Variants in CCSER1 observed in about 807,000 individuals in gnomAD.
CCSER1 encodes coiled-coil serine rich protein 1, also known as serine-rich coiled-coil domain-containing protein 1.
In CCSER1, 41 loss-of-function variants were observed where a neutral mutation model predicts 82.0. That is an observed-to-expected ratio of 0.50 (90% CI 0.39 to 0.65). The LOEUF is 0.65. Ranked by LOEUF, CCSER1 falls within the 30% of genes least tolerant of loss-of-function variation. The pLI, the probability that CCSER1 is intolerant of heterozygous loss-of-function variation, is 0.00. For missense variants in CCSER1, 1,119 were observed against 1,064.2 expected (o/e 1.05, Z -0.72); for synonymous variants, 414 against 383.9 (o/e 1.08, Z -0.92).
intron 10 of CCSER1, among the ~76,000 whole-genome samples, chr4:91,437,918 A>G (rs1420996544): frequency 6.6e-6 from 1 of 152,188 alleles, no homozygotes; most frequent in Non-Finnish European, 1.5e-5. Flanking sequence ...GGCAGCAGCG[A>G]GGCAGGGGGA....
At chr4:91,002,048 A>C (rs1738084937) in intron 9 of CCSER1, among the ~76,000 whole-genome samples, 1 of 152,110 alleles carries the variant, frequency 6.6e-6, no homozygotes, top group South Asian at 2.1e-4. Context: ...CGTGCCTGAT[A>C]ATTGTTCTGT....
chr4:91,532,808 T>G (rs1761102767), intron 10 of CCSER1, among the ~76,000 whole-genome samples: 1 of 151,722 alleles, frequency 6.6e-6, no homozygotes, highest in Admixed American at 6.6e-5. Flanking sequence ...AGGAGGAGGT[T>G]GCAGTGAGCC....
In CCSER1 at chr4:91,277,398, G is replaced by C. The variant is rs113203317; in HGVS notation, c.2217+191404G>C. ...CTGTTCAGATTTTCTATTTCTTCCT[G>C]TTTCAGTCTTGTTAGGTTGTATGTG... On this transcript the variant is annotated intron_variant, in intron 10 of 10. Coordinates refer to ENST00000509176, the MANE Select transcript of CCSER1 (RefSeq NM_001145065.2). Among the ~76,000 whole-genome samples the C allele has an allele frequency of 5.0e-3, 763 of 151,328 alleles. 4 individuals are homozygous for C. Among genetic ancestry groups the C allele is most frequent in the Middle Eastern group, 6.9e-3 (2 of 290 alleles).
chr4:91,167,661 A>G (rs1298423885), intron 10 of CCSER1, among the ~76,000 whole-genome samples: 1 of 152,192 alleles, frequency 6.6e-6, no homozygotes, highest in Non-Finnish European at 1.5e-5. Flanking sequence ...CTTAATGTTT[A>G]TAGGTAGAAG....
chr4:90,634,904 C>A (rs886906851), intron 6 of CCSER1, among the ~76,000 whole-genome samples: 2 of 151,730 alleles, frequency 1.3e-5, no homozygotes, highest in Non-Finnish European at 3.0e-5. Flanking sequence ...ATGAAAACAT[C>A]AAATGGCAGA....
chr4:90,681,893 A>G (rs1733956231), intron 6 of CCSER1, among the ~76,000 whole-genome samples: 1 of 152,098 alleles, frequency 6.6e-6, no homozygotes, highest in South Asian at 2.1e-4. Context: ...CCACCTTGGG[A>G]AATATAACAA....
chr4:90,311,881 G>A (rs1341382182), intron 2 of CCSER1, among the ~76,000 whole-genome samples: 2 of 152,110 alleles, frequency 1.3e-5, no homozygotes, highest in Non-Finnish European at 2.9e-5. Context: ...TTAACACTAT[G>A]TTAGGCACTA....
chr4:91,513,124 T>C (rs1310746248), intron 10 of CCSER1, among the ~76,000 whole-genome samples: 1 of 152,126 alleles, frequency 6.6e-6, no homozygotes, highest in Non-Finnish European at 1.5e-5. Context: ...TTATTATTAA[T>C]ATTTTGAGGT....
intron 10 of CCSER1, among the ~76,000 whole-genome samples, chr4:91,502,400 T>A (rs1010302624): frequency 5.9e-5 from 9 of 152,238 alleles, no homozygotes; most frequent in Non-Finnish European, 1.0e-4. Context: ...GTGAAAAAAA[T>A]TTGAAAATTA....
At chr4:91,402,023 A>C (rs1000140989) in intron 10 of CCSER1, among the ~76,000 whole-genome samples, 27 of 152,300 alleles carry the variant, frequency 1.8e-4, no homozygotes, top group Middle Eastern at 6.8e-3. Context: ...CCAACAGTGT[A>C]AAAGTGTTCC....
intron 5 of CCSER1, among the ~76,000 whole-genome samples, chr4:90,511,949 A>G (rs1771590066): frequency 6.6e-6 from 1 of 152,064 alleles, no homozygotes; most frequent in Non-Finnish European, 1.5e-5. Context: ...TGTTTGTTCT[A>G]TTTTCTGTGA....
At chr4:90,696,202 T>A (rs980573201) in intron 6 of CCSER1, among the ~76,000 whole-genome samples, 3 of 152,134 alleles carry the variant, frequency 2.0e-5, no homozygotes, top group Admixed American at 2.0e-4. Context: ...TGTCTATAGA[T>A]TTTTCACCTG....
intron 10 of CCSER1, among the ~76,000 whole-genome samples, chr4:91,512,644 C>G (rs967995246): frequency 3.9e-5 from 6 of 152,142 alleles, no homozygotes. Context: ...TTAGTTCTGT[C>G]CCTCTAGGGA....
chr4:91,593,118 A>G (rs1764346129), intron 10 of CCSER1, among the ~76,000 whole-genome samples: 1 of 152,152 alleles, frequency 6.6e-6, no homozygotes, highest in Admixed American at 6.6e-5. Flanking sequence ...CATTGGCATG[A>G]TTATTGTATT....
chr4:90,439,009 C>T (rs1258038301), intron 4 of CCSER1, among the ~76,000 whole-genome samples: 1 of 151,942 alleles, frequency 6.6e-6, no homozygotes, highest in African/African-American at 2.4e-5. Context: ...TTTAAAAAGC[C>T]TTGGCTGGGC....
intron 3 of CCSER1, among the ~76,000 whole-genome samples, chr4:90,317,729 A>T (rs1338296787): frequency 1.3e-5 from 2 of 152,236 alleles, no homozygotes; most frequent in African/African-American, 4.8e-5. Flanking sequence ...TGTGGAAGGC[A>T]TTGGGGTTCT....
intron 1 of CCSER1, among the ~76,000 whole-genome samples, chr4:90,286,081 T>C (rs1478817992): frequency 1.3e-5 from 2 of 152,070 alleles, no homozygotes; most frequent in Non-Finnish European, 2.9e-5. Flanking sequence ...ACTAGAGATA[T>C]CGGCCTGCAT....
intron 9 of CCSER1, among the ~76,000 whole-genome samples, chr4:90,948,691 A>G (rs1284766184): frequency 6.6e-6 from 1 of 152,068 alleles, no homozygotes; most frequent in Non-Finnish European, 1.5e-5. Flanking sequence ...ATTTACATGC[A>G]TTCTTATGCT....
chr4:90,642,521 A>G (rs1726731986), intron 6 of CCSER1: 2 of 152,202 alleles, frequency 1.3e-5, no homozygotes, highest in Admixed American at 6.5e-5. Context: ...GACATTTACT[A>G]TTTCAAATAT....
Sources: gnomAD v4.1 joint callset for allele counts (sites outside exome capture counted in the v4.1 genomes callset) on GRCh38, gnomAD v4.1.1 for gene constraint, MANE v1.5 for transcripts, NCBI Gene and HGNC (gene_info 2026-07-23, HGNC 2026-07-21) for gene names.